RADIL: variants seen among roughly 807,000 people sequenced by gnomAD.
RADIL encodes Rap associating with DIL domain.
RADIL carries 99 observed loss-of-function variants against 97.6 expected under a neutral mutation model. That is an observed-to-expected ratio of 1.01 (90% confidence interval 0.86 to 1.20). The LOEUF (loss-of-function observed/expected upper bound fraction) is 1.20. Ranked by LOEUF, RADIL falls within the 50% of genes most tolerant of loss-of-function variation. The probability of loss-of-function intolerance (pLI) is 0.00; values close to 1 mark genes in which losing one functional copy is unlikely to be tolerated. For missense variants in RADIL, 1,765 were observed against 1,498.9 expected (o/e 1.18, Z -2.93); for synonymous variants, 803 against 691.8 (o/e 1.16, Z -2.52).
chr7:4,809,323 A>C, intron 9 of RADIL: 1 of 985,272 alleles, frequency 1.0e-6, no homozygotes, highest in African/African-American at 1.7e-5. Flanking sequence ...TAGTTTCCCT[A>C]GCCAGGAGAA....
Position 4,860,479 on chromosome 7 carries a change from T to C in RADIL, c.535+17126A>G. ...GAATTTCAGAATTATCTGGCTTTTT[T>C]AGCCCTAACCCAATCACCCACATTG... On this transcript the variant is annotated intron_variant, in intron 2 of 14. Transcript: ENST00000399583. 3.1e-6 allele frequency: 5 copies of C among 1,614,082 alleles called. No individual in the cohort carries two copies. The East Asian group carries it at 1.1e-4, about 36-fold the overall frequency.
intron 2 of RADIL, among the ~76,000 whole-genome samples, chr7:4,846,810 C>G (rs7806541): frequency 0.51 from 77,491 of 151,662 alleles, 21,481 homozygotes; most frequent in African/African-American, 0.74. Context: ...GCCTCCCGAA[C>G]TGCTGGGATT....
Position 4,805,558 on chromosome 7 carries a change from G to A in RADIL, c.2290+8C>T, listed in dbSNP as rs1300093570. 6 of 1,589,030 alleles carry A rather than the reference G, an allele frequency of 3.8e-6. No individual in the cohort carries two copies. Among genetic ancestry groups the A allele is most frequent in the Admixed American group, 1.7e-5 (1 of 57,328 alleles). On this transcript the variant is annotated splice_region_variant and intron_variant, in intron 10 of 14. Transcript: ENST00000399583. ...CCCAGCCCTCTCCTGCCCTGGGGCA[G>A]GGCTTACCTGACCTGAAGGCCTCGG...
At position 4,799,434 on chromosome 7, in the gene RADIL, C is replaced by G; in HGVS notation, c.3172G>C (p.Ala1058Pro). 1 of 1,613,816 alleles carries G rather than the reference C, an allele frequency of 6.2e-7. No homozygotes were observed. Among genetic ancestry groups the G allele is most frequent in the Non-Finnish European group, 8.5e-7 (1 of 1,179,986 alleles). ...TTGGCTGTTTCCACGTCGGACTTCGCGACCAGGAACCGCATCTTCTTCCCG... is the reference window on the plus strand; with the variant it reads ...TTGGCTGTTTCCACGTCGGACTTCGGGACCAGGAACCGCATCTTCTTCCCG... ...HGGKKMRFLV[A>P]KSDVETAKKI... Residue 1058 changes from alanine to proline, a missense_variant, in exon 15 of 15, where the codon GCG (alanine) becomes CCG (proline). By Grantham distance (27) the Ala-to-Pro change is conservative. Coordinates refer to ENST00000399583, the MANE Select transcript of RADIL (RefSeq NM_018059.5).
At chr7:4,857,860 A>AC (rs1180477694) in intron 2 of RADIL, 1 of 152,662 alleles carries the variant, frequency 6.6e-6, no homozygotes, top group Non-Finnish European at 1.5e-5. Context: ...CTCACTAGGT[A>AC]CATCACATGA....
At chr7:4,853,240 C>T (rs1356328258) in intron 2 of RADIL, among the ~76,000 whole-genome samples, 2 of 152,038 alleles carry the variant, frequency 1.3e-5, no homozygotes, top group Non-Finnish European at 2.9e-5. Context: ...GGGAACTGTT[C>T]GTGTCATTTC....
intron 2 of RADIL, among the ~76,000 whole-genome samples, chr7:4,866,226 G>A (rs1784128179): frequency 6.6e-6 from 1 of 152,152 alleles, no homozygotes; most frequent in African/African-American, 2.4e-5. Flanking sequence ...GCTCACTGCA[G>A]CCTTGAACTT....
chr7:4,851,210 GA>G (rs988340184), intron 2 of RADIL, among the ~76,000 whole-genome samples: 12 of 148,702 alleles, frequency 8.1e-5, no homozygotes, highest in African/African-American at 3.0e-4. Context: ...AAAAAAAAAA[GA>G]AAAAAAGAAA....
At chr7:4,860,070 T>G (rs757358423) in intron 2 of RADIL, 2 of 1,614,010 alleles carry the variant, frequency 1.2e-6, no homozygotes, top group South Asian at 2.2e-5. Context: ...TCATTGGTAT[T>G]CACCTGTTGC....
At chr7:4,825,378 C>T (rs899027056) in intron 5 of RADIL, among the ~76,000 whole-genome samples, 22 of 152,192 alleles carry the variant, frequency 1.4e-4, no homozygotes, top group African/African-American at 2.4e-4. Flanking sequence ...AGCACAGAGA[C>T]CAGAGCATGG....
rs1782919909 is a variant in RADIL, at chr7:4,824,455, G to A, written c.1455-1901C>T. ...TGTGAGGGCATCTGGGAAGGGCTGA[G>A]GCCCTGTTTTCCTCCCTGTTCTTTC... On this transcript the variant is annotated intron_variant, in intron 5 of 14. Transcript: ENST00000399583. This position sits in a 1 kb window ranked among gnomAD's most constrained non-coding sequence, Gnocchi z 6.7. Among the ~76,000 whole-genome samples, 2 of 152,240 alleles carry A rather than the reference G, an allele frequency of 1.3e-5. No individual in the cohort carries two copies. Among genetic ancestry groups the A allele is most frequent in the African/African-American group, 2.4e-5 (1 of 41,470 alleles).
At position 4,803,722 on chromosome 7, in the gene RADIL, G is replaced by C; in HGVS notation, c.2323C>G (p.Pro775Ala). 2 of 1,567,728 alleles carry C rather than the reference G, an allele frequency of 1.3e-6. No homozygotes were observed. Among genetic ancestry groups the C allele is most frequent in the Non-Finnish European group, 1.7e-6 (2 of 1,157,066 alleles). The change falls in exon 11 of 15, where the codon CCC (proline) becomes GCC (alanine). Residue 775 changes from proline (P) to alanine (A), a missense_variant. By Grantham distance (27) the Pro-to-Ala change is conservative. Transcript: ENST00000399583. ...DVLESYENPPPIVLPSDGFQV... is the reference protein window; with the variant it reads ...DVLESYENPPAIVLPSDGFQV... ...AAGCCGTCGCTGGGCAGGACGATGG[G>C]TGGGGGGTTTTCGTAGGACTCCAGA...
rs1375783788 is a variant in RADIL at position 4,824,217 on chromosome 7, G to C, written c.1455-1663C>G. Among the ~76,000 whole-genome samples, 1 of 152,230 alleles carries C rather than the reference G, an allele frequency of 6.6e-6. No individual in the cohort carries two copies. Among genetic ancestry groups the C allele is most frequent in the Non-Finnish European group, 1.5e-5 (1 of 68,034 alleles). Reference sequence around the variant, plus strand: ...GTGTCCCTTACTGGGGGGATTCTAAGGGGTGAGCCAGGCAGCTGCCACTCT... The same window carrying C: ...GTGTCCCTTACTGGGGGGATTCTAACGGGTGAGCCAGGCAGCTGCCACTCT... On this transcript the variant is annotated intron_variant, in intron 5 of 14. Coordinates refer to ENST00000399583, the MANE Select transcript of RADIL (RefSeq NM_018059.5). The surrounding 1 kb of genome is among the most constrained non-coding windows in gnomAD (Gnocchi z 6.7).
rs141985473 is a variant in RADIL, at chr7:4,877,180, T to C, written c.535+425A>G. ...TCCCAGACAGCTGAGGTGAAAGTGG[T>C]GAGTTTAAGAGGAAACCTTTGGGAG... On this transcript the variant is annotated intron_variant, in intron 2 of 14. Transcript: ENST00000399583. Among the ~76,000 whole-genome samples the C allele has an allele frequency of 2.4e-4, 37 of 152,214 alleles. No individual in the cohort carries two copies. In the East Asian group the frequency reaches 7.0e-3, roughly 29 times the overall value.
Position 4,840,426 on chromosome 7 carries a change from C to T in RADIL, c.536-3821G>A, listed in dbSNP as rs1783411005. ...CATCCCTCGTGATGCTGACCCCAGC[C>T]ACCTTCAGAAGCATCGCATGGCGCC... On this transcript the variant is annotated intron_variant, in intron 2 of 14. Coordinates refer to ENST00000399583, the MANE Select transcript of RADIL (RefSeq NM_018059.5). This position sits in a 1 kb window ranked among gnomAD's most constrained non-coding sequence, Gnocchi z 5.6. Among the ~76,000 whole-genome samples the T allele has an allele frequency of 6.6e-6, 1 of 152,130 alleles. No individual in the cohort carries two copies. The highest frequency in any genetic ancestry group is 2.4e-5 in the African/African-American group (1 of 41,436).
chr7:4,831,896 A>AC (rs1783152722), intron 5 of RADIL, among the ~76,000 whole-genome samples: 1 of 151,248 alleles, frequency 6.6e-6, no homozygotes. Flanking sequence ...ACAAAACAAA[A>AC]ACAAACAAAA....
At chr7:4,860,686 A>G in intron 2 of RADIL, 2 of 1,614,150 alleles carry the variant, frequency 1.2e-6, no homozygotes, top group Non-Finnish European at 1.7e-6. Context: ...GAAGTACAAT[A>G]TAATGCTTGT....
At chr7:4,802,114 G>A (rs1782107951) in intron 11 of RADIL, 119 bp from the exon 12 acceptor site, 3 of 806,486 alleles carry the variant, frequency 3.7e-6, no homozygotes, top group Admixed American at 3.0e-5. Flanking sequence ...GTCAGCAAAG[G>A]ACTCCCGCAG....
intron 5 of RADIL, among the ~76,000 whole-genome samples, chr7:4,829,670 T>C (rs370840736): frequency 2.0e-5 from 3 of 152,052 alleles, no homozygotes; most frequent in African/African-American, 7.2e-5. Context: ...AACTGAGTCA[T>C]GGGGGCGGGT....
Sources: allele counts gnomAD v4.1 joint callset (sites outside exome capture counted in the v4.1 genomes callset), GRCh38; gene constraint gnomAD v4.1.1; non-coding constraint Gnocchi (gnomAD v3.1); transcripts MANE v1.5; gene names NCBI Gene and HGNC (gene_info 2026-07-23, HGNC 2026-07-21).